Variants in CHTF18 observed in about 807,000 individuals in gnomAD.
CHTF18 encodes the protein chromosome transmission fidelity factor 18.
Under a neutral mutation model 113.4 loss-of-function variants are expected in CHTF18, and 151 were observed. The observed-to-expected ratio is 1.33, with a 90% confidence interval of 1.17 to 1.52. The LOEUF is 1.52. Among genes scored for constraint, CHTF18 ranks in the 40% most tolerant of loss-of-function variants. The pLI is 0.00. For synonymous variants in CHTF18, 916 were observed against 598.8 expected (o/e 1.53, Z -7.74); for missense variants, 1,982 against 1,381.6 (o/e 1.43, Z -6.89).
chr16:792,809 G>A lies in CHTF18; in HGVS notation c.1570G>A (p.Glu524Lys). The stretch of plus-strand genomic sequence containing the variant: ...CTCGAGGCTGGTGCAGCGGCTCCAG[G>A]AGGTCGGTGGAGCCCCAGGAGCCGT... Reference protein sequence around the residue: ...LPSRLVQRLQEVSLRQGMRAD... With the variant: ...LPSRLVQRLQKVSLRQGMRAD... The change falls in exon 12 of 22, where the codon GAG (glutamate) becomes AAG (lysine). Residue 524 changes from glutamate (E) to lysine (K), a missense_variant and splice_region_variant. Physicochemically the swap from Glu to Lys is moderately conservative, Grantham distance 56. Coordinates refer to ENST00000262315, the MANE Select transcript of CHTF18 (RefSeq NM_022092.3). 1 of 1,540,424 alleles carries A rather than the reference G, an allele frequency of 6.5e-7. No homozygotes were observed.
chr16:797,750 A>C lies in CHTF18; in HGVS notation c.2790A>C (p.Ala930=), dbSNP rs951406256. ...VVVRSTAVPS[A]GDTAPEQDSV... Reference sequence around the variant, plus strand: ...TCAGGAGCACAGCAGTCCCGAGTGCAGGTGTGTGTGGGGGTGTTGTGGGGT... The same window carrying C: ...TCAGGAGCACAGCAGTCCCGAGTGCCGGTGTGTGTGGGGGTGTTGTGGGGT... The change falls in exon 21 of 22, where the codon GCA becomes GCC. Residue 930 remains alanine, a splice_region_variant and synonymous_variant. Transcript: ENST00000262315. 5.6e-6 allele frequency: 8 copies of C among 1,435,208 alleles called. No homozygotes were observed. The highest frequency in any genetic ancestry group is 2.3e-4 in the Middle Eastern group (1 of 4,392). 88.9% of individuals were successfully genotyped at this position (1,435,208 alleles called of 1,614,324 possible). A position where few individuals can be genotyped will look rare whatever the true frequency, so the allele number is the denominator to read the frequency against.
At chr16:796,469 G>A in intron 18 of CHTF18, 1 of 585,306 alleles carries the variant, frequency 1.7e-6, no homozygotes, top group Non-Finnish European at 3.0e-6. Flanking sequence ...AGGACGCTGA[G>A]TCACTCTCCG....
Position 795,988 on chromosome 16 carries a change from G to C in CHTF18, c.2367G>C (p.Leu789=). The stretch of plus-strand genomic sequence containing the variant: ...ACAGCACCCGTGAAAAGCAACAGCT[G>C]GCCAGCCTGGTGGGCACGATGCTCG... ...QLYSTREKQQ[L]ASLVGTMLAY... Residue 789 remains leucine (L), a synonymous_variant, in exon 18 of 22, where the codon CTG becomes CTC. Transcript: ENST00000262315. 1 of 1,608,842 alleles carries C rather than the reference G, an allele frequency of 6.2e-7. No homozygotes were observed. Among genetic ancestry groups the C allele is most frequent in the Non-Finnish European group, 8.5e-7 (1 of 1,178,220 alleles).
rs999650704 is a variant in CHTF18, at chr16:797,711, T to C, written c.2751T>C (p.Phe917=). Reference sequence around the variant, plus strand: ...CCCATCAGCCTGAGAAGGACTTCTTTGGACGTGTGGTCGTCAGGAGCACAG... The same window carrying C: ...CCCATCAGCCTGAGAAGGACTTCTTCGGACGTGTGGTCGTCAGGAGCACAG... ...AREEQPEKDF[F]GRVVVRSTAV... Residue 917 remains phenylalanine, a synonymous_variant, in exon 21 of 22, where the codon TTT becomes TTC. Transcript: ENST00000262315. The C allele has an allele frequency of 1.9e-6, 3 of 1,589,534 alleles. No homozygotes were observed. The highest frequency in any genetic ancestry group is 2.3e-5 in the East Asian group (1 of 43,540).
In CHTF18 at chr16:789,678, T is replaced by C; in HGVS notation, c.569T>C (p.Leu190Pro). 1.2e-6 allele frequency: 2 copies of C among 1,600,752 alleles called. No individual in the cohort carries two copies. Among genetic ancestry groups the C allele is most frequent in the South Asian group, 2.2e-5 (2 of 90,924 alleles). The change falls in exon 4 of 22, where the codon CTG becomes CCG. Residue 190 changes from leucine (L) to proline (P), a missense_variant. By Grantham distance (98) the Leu-to-Pro change is moderately conservative. Coordinates refer to ENST00000262315, the MANE Select transcript of CHTF18 (RefSeq NM_022092.3). ...TCCACGGAGGGCGTCCGGGCTTATC[T>C]GGTGCTGCGTGCTGACCCCATGGCC... ...VTSTEGVRAY[L>P]VLRADPMAPG...
In CHTF18 at chr16:788,751, C is replaced by T. The variant is rs1299230210; in HGVS notation, c.67C>T (p.Leu23=). The change falls in exon 1 of 22, where the codon CTG becomes TTG. Residue 23 remains leucine, a synonymous_variant. Transcript: ENST00000262315. ...DDFHNQFAAE[L]EVLAELEGAS... is the part of the protein sequence containing the mutation. ...TTTCCACAACCAGTTCGCGGCCGAG[C>T]TGGAGGTGCTGGCAGAGCTGGAAGG... 2 of 1,599,938 alleles carry T rather than the reference C, an allele frequency of 1.3e-6. No homozygotes were observed. Among genetic ancestry groups the T allele is most frequent in the Non-Finnish European group, 1.7e-6 (2 of 1,174,538 alleles).
chr16:794,027 C>T (rs556163110), intron 14 of CHTF18, 27 bp from the exon 15 acceptor site: 81 of 1,600,782 alleles, frequency 5.1e-5, no homozygotes, highest in Non-Finnish European at 6.6e-5. Flanking sequence ...AACACGGGTC[C>T]ATCTAGCTTC....
chr16:796,113 C>A (rs373701010), intron 18 of CHTF18, 36 bp downstream of exon 18: 174 of 1,580,988 alleles, frequency 1.1e-4, no homozygotes, highest in Non-Finnish European at 1.3e-4. Context: ...GCTCCAGGGT[C>A]ATGCTCCCCG....
At position 789,704 on chromosome 16, in the gene CHTF18, C is replaced by A; in HGVS notation, c.595C>A (p.Pro199Thr). The change falls in exon 4 of 22, where the codon CCG becomes ACG. Residue 199 changes from proline to threonine, a missense_variant. Coordinates refer to ENST00000262315, the MANE Select transcript of CHTF18 (RefSeq NM_022092.3). ...YLVLRADPMA[P>T]GVQGSLLHVP... ...GGTGCTGCGTGCTGACCCCATGGCCCCGGGGGTGCAGGTGCGTGGCTGTGG... is the reference window on the plus strand; with the variant it reads ...GGTGCTGCGTGCTGACCCCATGGCCACGGGGGTGCAGGTGCGTGGCTGTGG... The A allele has an allele frequency of 6.3e-7, 1 of 1,590,734 alleles. No homozygotes were observed. Among genetic ancestry groups the A allele is most frequent in the South Asian group, 1.1e-5 (1 of 90,146 alleles).
At chr16:791,086 CATG>C in intron 7 of CHTF18, 72 bp from the exon 8 acceptor site, 1 of 1,533,870 alleles carries the variant, frequency 6.5e-7, no homozygotes, top group Non-Finnish European at 8.8e-7. Flanking sequence ...GCATGGGGCT[CATG>C]GTGGCAGGTG....
chr16:793,761 G>A, intron 14 of CHTF18: 2 of 671,186 alleles, frequency 3.0e-6, no homozygotes, highest in Non-Finnish European at 5.5e-6. Context: ...CCTGTGGGAT[G>A]TGCTGCTCCT....
At chr16:796,421 C>T (rs909618715) in intron 18 of CHTF18, among the ~76,000 whole-genome samples, 2 of 152,234 alleles carry the variant, frequency 1.3e-5, no homozygotes, top group Non-Finnish European at 2.9e-5. Flanking sequence ...GGGCAGTGGC[C>T]CCGGGGTCCT....
intron 15 of CHTF18, chr16:794,916 G>T (rs2042295897): frequency 6.9e-6 from 4 of 580,234 alleles, no homozygotes; most frequent in Non-Finnish European, 1.2e-5. Flanking sequence ...GCTCAGGGTG[G>T]ACCCTCCCCC....
Position 789,122 on chromosome 16 carries a change from C to G in CHTF18, c.283C>G (p.His95Asp). Residue 95 changes from histidine to aspartate, a missense_variant, in exon 2 of 22, where the codon CAC becomes GAC. Coordinates refer to ENST00000262315, the MANE Select transcript of CHTF18 (RefSeq NM_022092.3). ...ADLQPAGSLP[H>D]APRIKRPRLQ... The stretch of plus-strand genomic sequence containing the variant: ...CCTGCAGCCGGCCGGGTCCCTGCCC[C>G]ACGGTAGGTTGGCGGCATTGCCCCA... 6.5e-7 allele frequency: 1 copy of G among 1,541,992 alleles called. No individual in the cohort carries two copies. The highest frequency in any genetic ancestry group is 8.7e-7 in the Non-Finnish European group (1 of 1,143,000).
rs2042222839 is a variant in CHTF18, at chr16:792,424, C to G, written c.1327-15C>G. 2 of 1,559,702 alleles carry G rather than the reference C, an allele frequency of 1.3e-6. No individual in the cohort carries two copies. The highest frequency in any genetic ancestry group is 1.7e-6 in the Non-Finnish European group (2 of 1,152,468). ...GCAGGGCCTGGACTCACCGTGTCCT[C>G]TGACCTCCCCCAAGGCCGCCATCAA... On this transcript the variant is annotated splice_polypyrimidine_tract_variant and intron_variant, in intron 10 of 21. Coordinates refer to ENST00000262315, the MANE Select transcript of CHTF18 (RefSeq NM_022092.3).
At position 793,191 on chromosome 16, in the gene CHTF18, G is replaced by C. The variant is rs778295968; in HGVS notation, c.1719G>C (p.Gln573His). Residue 573 changes from glutamine to histidine, a missense_variant, in exon 14 of 22, where the codon CAG becomes CAC. Coordinates refer to ENST00000262315, the MANE Select transcript of CHTF18 (RefSeq NM_022092.3). The part of the protein sequence containing the change: ...GQRELSVRDV[Q>H]ATRVGLKDQR... The stretch of plus-strand genomic sequence containing the variant: ...GGGAGCTGAGCGTGCGGGACGTGCA[G>C]GCCACACGCGTGGGCCTCAAGGACC... The C allele has an allele frequency of 4.4e-6, 7 of 1,608,692 alleles. No individual in the cohort carries two copies. The highest frequency in any genetic ancestry group is 5.9e-6 in the Non-Finnish European group (7 of 1,178,626).
chr16:791,284 GC>G lies in CHTF18; in HGVS notation c.1022del (p.Pro341GlnfsTer46). On this transcript the variant is annotated frameshift_variant, in exon 8 of 22. Coordinates refer to ENST00000262315, the MANE Select transcript of CHTF18 (RefSeq NM_022092.3). LOFTEE classifies it high-confidence loss of function. ...GGCCCGGGTCAGCAAGGAGGCCACA[GC>G]CCCAGGCAAGTGGAAGAGCCACGAA... Reference protein sequence around the residue: ...EPARVSKEATAPGKWKSHEQV... With the variant: ...EPARVSKEATXPGKWKSHEQV... 6.2e-7 allele frequency: 1 copy of G among 1,610,824 alleles called. No homozygotes were observed.
In CHTF18 at chr16:789,359, G is replaced by A. The variant is rs758975278; in HGVS notation, c.436G>A (p.Gly146Arg). The change falls in exon 3 of 22, where the codon GGA becomes AGA. Residue 146 changes from glycine (G) to arginine (R), a missense_variant and splice_region_variant. Physicochemically the swap from Gly to Arg is moderately radical, Grantham distance 125. Coordinates refer to ENST00000262315, the MANE Select transcript of CHTF18 (RefSeq NM_022092.3). ...GGACCTCGCAGAGCTTTGGGGCCACGGGTGTGTGGCTTGGACATGGGCGTC... is the reference window on the plus strand; with the variant it reads ...GGACCTCGCAGAGCTTTGGGGCCACAGGTGTGTGGCTTGGACATGGGCGTC... ...PEDLAELWGH[G>R]VSEAAADVGL... 5 of 1,584,712 alleles carry A rather than the reference G, an allele frequency of 3.2e-6. No individual in the cohort carries two copies. Among genetic ancestry groups the A allele is most frequent in the African/African-American group, 1.3e-5 (1 of 74,224 alleles).
intron 15 of CHTF18, 98 bp from the exon 16 acceptor site, chr16:795,030 CGGCA>C: frequency 1.1e-6 from 1 of 948,470 alleles, no homozygotes; most frequent in Non-Finnish European, 1.6e-6. Flanking sequence ...GTGGGGCAGG[CGGCA>C]GGCAGGAGTG....
Sources: allele counts gnomAD v4.1 joint callset (sites outside exome capture counted in the v4.1 genomes callset), GRCh38; gene constraint gnomAD v4.1.1; transcripts MANE v1.5; gene names NCBI Gene and HGNC (gene_info 2026-07-23, HGNC 2026-07-21).